CADPS2: variants seen among roughly 807,000 people sequenced by gnomAD.
CADPS2 encodes the protein calcium dependent secretion activator 2.
Under a neutral mutation model 172.5 loss-of-function variants are expected in CADPS2, and 93 were observed. The observed-to-expected ratio is 0.54, with a 90% CI of 0.46 to 0.64. CADPS2 has a LOEUF of 0.64. Ranked by LOEUF, CADPS2 falls within the 30% of genes least tolerant of loss-of-function variation. The pLI is 0.00. For synonymous variants in CADPS2, 546 were observed against 555.2 expected, an observed-to-expected ratio of 0.98 and a Z score of 0.23; for missense variants, 1,420 against 1,565.9, an observed-to-expected ratio of 0.91 and a Z score of 1.57.
At chr7:122,644,805 C>T (rs538760477) in intron 3 of CADPS2, among the ~76,000 whole-genome samples, 1 of 152,072 alleles carries the variant, frequency 6.6e-6, no homozygotes, top group Non-Finnish European at 1.5e-5. Context: ...GCAACACATT[C>T]CCTGTGTGAA....
At chr7:122,639,844 A>G (rs2077425026) in intron 3 of CADPS2, among the ~76,000 whole-genome samples, 1 of 152,152 alleles carries the variant, frequency 6.6e-6, no homozygotes, top group African/African-American at 2.4e-5. Flanking sequence ...CCTCTTCTCA[A>G]TCTAAATATT....
chr7:122,645,488 G>GTATATTTAAGTATATCTATACT (rs1554688073), intron 3 of CADPS2, among the ~76,000 whole-genome samples: 1 of 94,296 alleles, frequency 1.1e-5, no homozygotes, highest in Admixed American at 1.1e-4. Context: ...TATATTTAGC[G>GTATATTTAAGTATATCTATACT]TATATATATA....
intron 29 of CADPS2, among the ~76,000 whole-genome samples, chr7:122,322,211 T>C (rs931342507): frequency 3.9e-5 from 6 of 152,216 alleles, no homozygotes; most frequent in African/African-American, 1.2e-4. Context: ...CACTAACAAT[T>C]ATATACTGAG....
At chr7:122,521,599 G>C (rs546319058) in intron 8 of CADPS2, among the ~76,000 whole-genome samples, 1 of 152,082 alleles carries the variant, frequency 6.6e-6, no homozygotes, top group South Asian at 2.1e-4. Context: ...TTATAGGCTT[G>C]AATTATTATG....
At chr7:122,561,162 T>C (rs1200135630) in intron 7 of CADPS2, among the ~76,000 whole-genome samples, 1 of 152,158 alleles carries the variant, frequency 6.6e-6, no homozygotes, top group African/African-American at 2.4e-5. Flanking sequence ...AAGATTAGCA[T>C]TAAATCTTGT....
At chr7:122,360,743 T>A (rs771345219) in intron 27 of CADPS2, 45 bp downstream of exon 27, 15 of 1,514,364 alleles carry the variant, frequency 9.9e-6, no homozygotes, top group African/African-American at 5.6e-5. Flanking sequence ...AATTTTTTTT[T>A]AAAGAATTCC....
At chr7:122,693,784 C>A (rs1269693259) in intron 2 of CADPS2, among the ~76,000 whole-genome samples, 2 of 152,060 alleles carry the variant, frequency 1.3e-5, no homozygotes, top group Admixed American at 1.3e-4. Context: ...GGCAAAACCC[C>A]AACTCTACTA....
chr7:122,784,573 G>C (rs894763430), intron 1 of CADPS2, among the ~76,000 whole-genome samples: 1 of 152,178 alleles, frequency 6.6e-6, no homozygotes, highest in African/African-American at 2.4e-5. Context: ...GCAGGAAAAT[G>C]ATATAAGTTG....
At chr7:122,600,191 ATGCAG>A (rs2072531610) in intron 6 of CADPS2, among the ~76,000 whole-genome samples, 1 of 152,118 alleles carries the variant, frequency 6.6e-6, no homozygotes, top group African/African-American at 2.4e-5. Context: ...CAAACAACAC[ATGCAG>A]TAGCTAAGTC....
intron 1 of CADPS2, among the ~76,000 whole-genome samples, chr7:122,835,552 C>T (rs567426599): frequency 1.4e-4 from 22 of 152,208 alleles, no homozygotes; most frequent in East Asian, 1.4e-3. Flanking sequence ...ATTAGACGAA[C>T]GGATAACTAG....
intron 9 of CADPS2, among the ~76,000 whole-genome samples, chr7:122,507,505 G>T (rs966694394): frequency 2.6e-5 from 4 of 152,146 alleles, no homozygotes; most frequent in African/African-American, 9.7e-5. Context: ...TGAGGAAAGA[G>T]CTGCAGAAGT....
At chr7:122,458,394 T>A (rs1210538911) in intron 14 of CADPS2, among the ~76,000 whole-genome samples, 2 of 152,194 alleles carry the variant, frequency 1.3e-5, no homozygotes, top group Non-Finnish European at 2.9e-5. Flanking sequence ...TCAAATGATG[T>A]ATTACTTGGA....
At chr7:122,651,260 GAAA>G (rs5887109) in intron 3 of CADPS2, among the ~76,000 whole-genome samples, 3 of 143,642 alleles carry the variant, frequency 2.1e-5, no homozygotes, top group South Asian at 2.2e-4. Flanking sequence ...CTACTAGTTG[GAAA>G]AAAAAAAAAA....
intron 6 of CADPS2, among the ~76,000 whole-genome samples, chr7:122,608,111 AGAGGCT>A (rs751486290): frequency 6.6e-6 from 1 of 151,810 alleles, no homozygotes; most frequent in Non-Finnish European, 1.5e-5. Context: ...CAGCTACTCA[AGAGGCT>A]GAGGCAGAGA....
intron 1 of CADPS2, among the ~76,000 whole-genome samples, chr7:122,813,364 ACAGT>A (rs2140204030): frequency 6.6e-6 from 1 of 152,240 alleles, no homozygotes; most frequent in Admixed American, 6.5e-5. Context: ...TGAACAACCT[ACAGT>A]AATTATATTT....
chr7:122,504,598 ACT>A (rs1242998281), intron 9 of CADPS2, among the ~76,000 whole-genome samples: 1 of 151,716 alleles, frequency 6.6e-6, no homozygotes, highest in Non-Finnish European at 1.5e-5. Flanking sequence ...ACAGGATCTC[ACT>A]CTGTCACCTA....
chr7:122,886,460 TG>T, upstream of CADPS2: 1 of 1,293,632 alleles, frequency 7.7e-7, no homozygotes, highest in Non-Finnish European at 1.0e-6. Flanking sequence ...AAAGGAAAAC[TG>T]GCCAGGGCTT....
intron 28 of CADPS2, chr7:122,328,524 T>C (rs374018454): frequency 6.6e-5 from 10 of 152,196 alleles, no homozygotes; most frequent in African/African-American, 2.4e-4. Flanking sequence ...GGAATGGCAT[T>C]ACTGCTTTAT....
intron 17 of CADPS2, among the ~76,000 whole-genome samples, chr7:122,431,170 G>A (rs1354585204): frequency 6.6e-6 from 1 of 152,220 alleles, no homozygotes; most frequent in Non-Finnish European, 1.5e-5. Context: ...TTGCAAGCCA[G>A]CTTGCCAGTT....
Sources: gnomAD v4.1 joint callset for allele counts (sites outside exome capture counted in the v4.1 genomes callset) on GRCh38, gnomAD v4.1.1 for gene constraint, MANE v1.5 for transcripts, NCBI Gene and HGNC (gene_info 2026-07-23, HGNC 2026-07-21) for gene names.